SLC24A2: variants seen among roughly 807,000 people sequenced by gnomAD.
SLC24A2 encodes solute carrier family 24 member 2.
Under a neutral mutation model 62.0 loss-of-function variants are expected in SLC24A2, and 36 were observed. The observed-to-expected ratio is 0.58, with a 90% confidence interval of 0.44 to 0.77. The LOEUF (loss-of-function observed/expected upper bound fraction) is 0.77. Ranked by LOEUF, SLC24A2 falls within the 30% of genes least tolerant of loss-of-function variation. SLC24A2 has a pLI of 0.00. For missense variants in SLC24A2, 846 were observed against 817.9 expected, an observed-to-expected ratio of 1.03 and a Z score of -0.42; for synonymous variants, 358 against 294.0, an observed-to-expected ratio of 1.22 and a Z score of -2.23.
intron 7 of SLC24A2, among the ~76,000 whole-genome samples, chr9:19,572,381 A>G (rs1206661537): frequency 2.6e-5 from 4 of 152,090 alleles, no homozygotes; most frequent in African/African-American, 9.7e-5. Flanking sequence ...CTCATCTCAA[A>G]TTGTAATCCC....
chr9:19,546,726 G>A (rs1342641319), intron 8 of SLC24A2, among the ~76,000 whole-genome samples: 1 of 149,404 alleles, frequency 6.7e-6, no homozygotes, highest in African/African-American at 2.6e-5. Context: ...TGGCACCACT[G>A]AGGTATGGGA....
upstream of SLC24A2, among the ~76,000 whole-genome samples, chr9:19,792,378 A>C (rs925370826): frequency 4.6e-5 from 7 of 152,058 alleles, no homozygotes; most frequent in Admixed American, 1.3e-4. Flanking sequence ...GTAAACTGTC[A>C]TGAGCAGAAG....
At chr9:19,622,064 G>A (rs1446950075) in intron 3 of SLC24A2, among the ~76,000 whole-genome samples, 197 bp downstream of exon 3, 1 of 152,160 alleles carries the variant, frequency 6.6e-6, no homozygotes, top group African/African-American at 2.4e-5. Flanking sequence ...GTCCCAGAAG[G>A]CATGTGTCCA....
chr9:19,783,291 C>T (rs1437993490), intron 2 of SLC24A2, among the ~76,000 whole-genome samples: 2 of 152,138 alleles, frequency 1.3e-5, no homozygotes, highest in African/African-American at 2.4e-5. Flanking sequence ...TCCCAAACTC[C>T]CATGTCCCAT....
At position 19,555,523 on chromosome 9, in the gene SLC24A2, C is replaced by T. The variant is rs527874719; in HGVS notation, c.1348-5255G>A. ...ATTTTCTCAAAACCATTCATTTTAT[C>T]CTTTTTCCTCAGATGTATTTTTGTA... On this transcript the variant is annotated intron_variant, in intron 7 of 10. Coordinates refer to ENST00000341998, the MANE Select transcript of SLC24A2 (RefSeq NM_020344.4). Among the ~76,000 whole-genome samples the T allele has an allele frequency of 1.1e-4, 17 of 152,252 alleles. No homozygotes were observed. The East Asian group carries it at 3.3e-3, about 29-fold the overall frequency.
intron 2 of SLC24A2, among the ~76,000 whole-genome samples, chr9:19,719,021 C>A (rs1433216587): frequency 6.6e-6 from 1 of 152,150 alleles, no homozygotes; most frequent in African/African-American, 2.4e-5. Flanking sequence ...GCAATCAAGT[C>A]CTTTGTAAAA....
intron 2 of SLC24A2, among the ~76,000 whole-genome samples, chr9:19,744,800 C>A (rs994593422): frequency 2.0e-5 from 3 of 152,162 alleles, no homozygotes; most frequent in Non-Finnish European, 4.4e-5. Flanking sequence ...GCTTCCCATT[C>A]AAATACCTTG....
At chr9:19,633,757 T>C (rs1818235388) in intron 2 of SLC24A2, among the ~76,000 whole-genome samples, 1 of 152,234 alleles carries the variant, frequency 6.6e-6, no homozygotes, top group African/African-American at 2.4e-5. Flanking sequence ...GAAATGTTTG[T>C]GCATATATTT....
At chr9:19,851,024 C>CATATATATATAT in the SLC24A2 span, among the ~76,000 whole-genome samples, 7 of 45,916 alleles carry the variant, frequency 1.5e-4, no homozygotes, top group South Asian at 1.8e-3. Flanking sequence ...TATATATATA[C>CATATATATATAT]ATATTTTTTT....
chr9:20,096,679 A>G, the SLC24A2 span, among the ~76,000 whole-genome samples: 1 of 152,176 alleles, frequency 6.6e-6, no homozygotes, highest in Non-Finnish European at 1.5e-5. Context: ...ACATTATTTT[A>G]GAAAGATACT....
At chr9:19,973,068 T>C in the SLC24A2 span, among the ~76,000 whole-genome samples, 1 of 152,138 alleles carries the variant, frequency 6.6e-6, no homozygotes, top group Non-Finnish European at 1.5e-5. Flanking sequence ...CCAGGTGCAG[T>C]GGTGTGCGAC....
the SLC24A2 span, among the ~76,000 whole-genome samples, chr9:20,194,682 C>T: frequency 6.6e-6 from 1 of 152,076 alleles, no homozygotes; most frequent in Non-Finnish European, 1.5e-5. Flanking sequence ...AGTTTCTTGC[C>T]ATGTTGTCTA....
intron 5 of SLC24A2, among the ~76,000 whole-genome samples, chr9:19,590,924 C>A (rs1029225567): frequency 6.6e-6 from 1 of 152,140 alleles, no homozygotes; most frequent in African/African-American, 2.4e-5. Flanking sequence ...TCTTACTGGT[C>A]AATTCATTGA....
intron 7 of SLC24A2, among the ~76,000 whole-genome samples, chr9:19,569,119 A>C (rs1364236116): frequency 3.9e-5 from 6 of 152,134 alleles, no homozygotes; most frequent in Non-Finnish European, 7.4e-5. Context: ...GGATGGGCAA[A>C]CGTTTTCTGT....
chr9:20,189,888 T>C, the SLC24A2 span, among the ~76,000 whole-genome samples: 58 of 152,256 alleles, frequency 3.8e-4, no homozygotes, highest in East Asian at 0.011. Flanking sequence ...GGAATGCTCA[T>C]CTTACCTGCC....
At chr9:20,296,015 A>G in the SLC24A2 span, among the ~76,000 whole-genome samples, 3 of 152,358 alleles carry the variant, frequency 2.0e-5, no homozygotes, top group Admixed American at 2.0e-4. Context: ...TCCTTACAAC[A>G]TAATGGAAGA....
At chr9:20,106,286 C>G in the SLC24A2 span, among the ~76,000 whole-genome samples, 11 of 152,176 alleles carry the variant, frequency 7.2e-5, no homozygotes, top group Non-Finnish European at 2.9e-5. Flanking sequence ...GGAGCCAGTA[C>G]CATTCCTTCT....
intron 2 of SLC24A2, among the ~76,000 whole-genome samples, chr9:19,679,788 G>A (rs1819662091): frequency 6.6e-6 from 1 of 151,296 alleles, no homozygotes; most frequent in Non-Finnish European, 1.5e-5. Flanking sequence ...GGATCTCTCA[G>A]CTTCCACAAT....
chr9:19,910,752 A>G, the SLC24A2 span, among the ~76,000 whole-genome samples: 2 of 152,052 alleles, frequency 1.3e-5, no homozygotes, highest in Admixed American at 6.6e-5. Flanking sequence ...TTAGTTACAT[A>G]TAGTACTCTG....
Sources: gnomAD v4.1 joint callset for allele counts (sites outside exome capture counted in the v4.1 genomes callset) on GRCh38, gnomAD v4.1.1 for gene constraint, MANE v1.5 for transcripts, NCBI Gene and HGNC (gene_info 2026-07-23, HGNC 2026-07-21) for gene names.